Variants in RTN4RL1 observed in about 807,000 individuals in gnomAD.
RTN4RL1 encodes reticulon 4 receptor like 1, also known as reticulon-4 receptor-like 1.
A neutral mutation model predicts 25.6 loss-of-function variants in RTN4RL1; 7 were observed. That is an observed-to-expected ratio of 0.27 (90% confidence interval 0.16 to 0.51). The LOEUF (loss-of-function observed/expected upper bound fraction) is 0.51. Among genes scored for constraint, RTN4RL1 ranks in the 20% least tolerant of loss-of-function variants. RTN4RL1 has a pLI of 0.97. For synonymous variants in RTN4RL1, 297 were observed against 288.2 expected, an observed-to-expected ratio of 1.03 and a Z score of -0.31; for missense variants, 500 against 615.6, an observed-to-expected ratio of 0.81 and a Z score of 1.99.
intron 1 of RTN4RL1, among the ~76,000 whole-genome samples, chr17:2,008,593 T>G (rs1321194838): frequency 6.6e-6 from 1 of 152,018 alleles, no homozygotes; most frequent in East Asian, 1.9e-4. Context: ...TTTGGGAAGT[T>G]CAAAAAAATT....
chr17:1,995,826 G>A (rs1341831200), intron 1 of RTN4RL1: 7 of 152,246 alleles, frequency 4.6e-5, no homozygotes, highest in East Asian at 1.9e-4. Flanking sequence ...ACTAGCTGTC[G>A]CTCAAGCACG....
intron 1 of RTN4RL1, among the ~76,000 whole-genome samples, chr17:2,008,554 C>A (rs987480286): frequency 6.6e-6 from 1 of 151,992 alleles, no homozygotes; most frequent in Admixed American, 6.6e-5. Flanking sequence ...CTGTAGGTTT[C>A]CAATCTGTGT....
intron 1 of RTN4RL1, 70 bp from the exon 2 acceptor site, chr17:1,937,878 G>A (rs1915345888): frequency 1.3e-5 from 16 of 1,230,220 alleles, no homozygotes; most frequent in Non-Finnish European, 1.7e-5. Context: ...ACCCTCCGGC[G>A]CCCGCCGAGG....
At chr17:2,017,919 T>A (rs1330953527) in intron 1 of RTN4RL1, 14 of 152,306 alleles carry the variant, frequency 9.2e-5, no homozygotes, top group Admixed American at 8.5e-4. Flanking sequence ...CACCCTAAGA[T>A]CAGCTAGACT....
At chr17:2,009,858 A>G (rs1041907837) in intron 1 of RTN4RL1, among the ~76,000 whole-genome samples, 1 of 128,398 alleles carries the variant, frequency 7.8e-6, no homozygotes, top group Non-Finnish European at 1.6e-5. Context: ...ACAGGCCACA[A>G]CACAGAATGC....
At chr17:1,967,295 C>G (rs1597500009) in intron 1 of RTN4RL1, among the ~76,000 whole-genome samples, 1 of 152,206 alleles carries the variant, frequency 6.6e-6, no homozygotes, top group Non-Finnish European at 1.5e-5. Context: ...CAACACAGCT[C>G]CACCTGCAGC....
chr17:1,989,957 C>CA lies in RTN4RL1; in HGVS notation c.13+34895dup, dbSNP rs376696482. Among the ~76,000 whole-genome samples the CA allele has an allele frequency of 1.2e-3, 182 of 146,982 alleles. 2 individuals are homozygous for CA. The highest frequency in any genetic ancestry group is 4.6e-3 in the East Asian group (23 of 5,026). Reference sequence around the variant, plus strand: ...GCAAGACAGCAAGACCCTGTCTCTACAAAAAAAAACAAAACAAAAAACAAA... The same window carrying CA: ...GCAAGACAGCAAGACCCTGTCTCTACAAAAAAAAAACAAAACAAAAAACAAA... On this transcript the variant is annotated intron_variant, in intron 1 of 1. Transcript: ENST00000331238.
At chr17:1,972,701 G>A (rs963629823) in intron 1 of RTN4RL1, among the ~76,000 whole-genome samples, 6 of 152,180 alleles carry the variant, frequency 3.9e-5, no homozygotes, top group East Asian at 1.9e-4. Context: ...CGACTCAGCC[G>A]CAAGTGCCTC....
intron 1 of RTN4RL1, among the ~76,000 whole-genome samples, chr17:1,943,385 T>C (rs987235894): frequency 1.3e-5 from 2 of 152,160 alleles, no homozygotes; most frequent in African/African-American, 4.8e-5. Context: ...TCACCCCAAC[T>C]TGCCAGCACC....
chr17:2,024,762 G>A, intron 1 of RTN4RL1, 91 bp downstream of exon 1: 1 of 1,371,828 alleles, frequency 7.3e-7, no homozygotes, highest in Non-Finnish European at 9.9e-7. Context: ...CTACTTCCCA[G>A]ACCGGGAGCC....
At chr17:1,943,071 A>G (rs1915472083) in intron 1 of RTN4RL1, among the ~76,000 whole-genome samples, 1 of 152,062 alleles carries the variant, frequency 6.6e-6, no homozygotes. Flanking sequence ...ACAGCTGGTC[A>G]TTGTGGAGGG....
At position 2,024,987 on chromosome 17, in the gene RTN4RL1, G is replaced by A; in HGVS notation, c.-122C>T. ...CGCGTCGAGGCGGGGGCAAGCCGGG[G>A]ATCCGCTCGTGCCCGGTGGCCCGGC... On this transcript the variant is annotated 5_prime_UTR_variant, in exon 1 of 2. Coordinates refer to ENST00000331238, the MANE Select transcript of RTN4RL1 (RefSeq NM_178568.4). The A allele has an allele frequency of 1.8e-6, 2 of 1,109,350 alleles. No homozygotes were observed. Among genetic ancestry groups the A allele is most frequent in the Non-Finnish European group, 2.6e-6 (2 of 777,844 alleles). 68.7% of individuals were successfully genotyped at this position (1,109,350 alleles called of 1,614,324 possible). A position where few individuals can be genotyped will look rare whatever the true frequency, so the allele number is the denominator to read the frequency against.
intron 1 of RTN4RL1, among the ~76,000 whole-genome samples, chr17:2,013,631 C>CTTGGGGTTTGA (rs1567528138): frequency 4.4e-5 from 6 of 136,022 alleles, no homozygotes; most frequent in Middle Eastern, 3.7e-3. Flanking sequence ...CTCCCTCACC[C>CTTGGGGTTTGA]TGGAACATAA....
In RTN4RL1 at chr17:1,935,709, G is replaced by GTATATATA. The variant is rs1331113473; in HGVS notation, c.*786_*787insTATATATA. 1.0e-5 allele frequency: 2 copies of GTATATATA among 199,206 alleles called. No homozygotes were observed. The highest frequency in any genetic ancestry group is 7.4e-5 in the African/African-American group (2 of 27,186). 12.3% of individuals were successfully genotyped at this position (199,206 alleles called of 1,614,324 possible). ...GGAGTGGGAGGGGGACTGTGCATTT[G>GTATATATA]TGTATATATATATATATATATATAT... On this transcript the variant is annotated 3_prime_UTR_variant, in exon 2 of 2. Coordinates refer to ENST00000331238, the MANE Select transcript of RTN4RL1 (RefSeq NM_178568.4).
At chr17:1,981,529 A>G (rs1475934666) in intron 1 of RTN4RL1, among the ~76,000 whole-genome samples, 1 of 152,156 alleles carries the variant, frequency 6.6e-6, no homozygotes, top group African/African-American at 2.4e-5. Context: ...TCGTGTGCAG[A>G]TTGGCTGTGC....
rs1403079096 is a variant in RTN4RL1, at chr17:1,952,343, T to TG, written c.14-14536_14-14535insC. On this transcript the variant is annotated intron_variant, in intron 1 of 1. Transcript: ENST00000331238. ...GTCAAGGGAGGTTGGTTTTTTTTTT[T>TG]TTTTTTTTTTTGAGATGGAGTGTCA... is the stretch of plus-strand genomic sequence containing the variant. Among the ~76,000 whole-genome samples, 7 of 145,508 alleles carry TG rather than the reference T, an allele frequency of 4.8e-5. No homozygotes were observed. In the South Asian group the frequency reaches 1.3e-3, roughly 28 times the overall value.
chr17:2,021,083 G>T (rs1421273962), intron 1 of RTN4RL1, among the ~76,000 whole-genome samples: 4 of 152,182 alleles, frequency 2.6e-5, no homozygotes, highest in Admixed American at 1.3e-4. Context: ...TCAGCTACCA[G>T]CACTGTCAGC....
At chr17:1,970,019 CTTT>C (rs59804703) in intron 1 of RTN4RL1, among the ~76,000 whole-genome samples, 14 of 72,154 alleles carry the variant, frequency 1.9e-4, no homozygotes, top group African/African-American at 5.1e-4. Flanking sequence ...CTCTCTCTCT[CTTT>C]TTTTTTTTTT....
At chr17:1,967,830 G>A (rs895089540) in intron 1 of RTN4RL1, among the ~76,000 whole-genome samples, 4 of 152,048 alleles carry the variant, frequency 2.6e-5, no homozygotes, top group African/African-American at 9.7e-5. Context: ...TAGTAGAGAC[G>A]GGGTTTCACC....
Sources: allele counts gnomAD v4.1 joint callset (sites outside exome capture counted in the v4.1 genomes callset), GRCh38; gene constraint gnomAD v4.1.1; transcripts MANE v1.5; gene names NCBI Gene and HGNC (gene_info 2026-07-23, HGNC 2026-07-21).